Variants in RGS6 observed in about 807,000 individuals in gnomAD.
RGS6 encodes the protein regulator of G-protein signaling 6.
A neutral mutation model predicts 78.5 loss-of-function variants in RGS6; 30 were observed. That is an observed-to-expected ratio of 0.38 (90% CI 0.29 to 0.52). The LOEUF (loss-of-function observed/expected upper bound fraction) is 0.52, where lower values mean the gene tolerates loss of function less well. Ranked by LOEUF, RGS6 falls within the 20% of genes least tolerant of loss-of-function variation. RGS6 has a pLI of 0.85. For missense variants in RGS6, 495 were observed against 609.7 expected, an observed-to-expected ratio of 0.81 and a Z score of 1.98; for synonymous variants, 206 against 206.0, an observed-to-expected ratio of 1.00 and a Z score of 0.00.
At chr14:72,044,838 A>C (rs1012704416) in intron 2 of RGS6, among the ~76,000 whole-genome samples, 2 of 152,016 alleles carry the variant, frequency 1.3e-5, no homozygotes, top group African/African-American at 4.8e-5. Flanking sequence ...ATGCCACTGC[A>C]CTCCAGCCTG....
intron 1 of RGS6, among the ~76,000 whole-genome samples, chr14:71,959,725 C>T (rs1168586789): frequency 1.3e-5 from 2 of 152,196 alleles, no homozygotes; most frequent in Non-Finnish European, 2.9e-5. Context: ...TCCATTGAAT[C>T]TGATGCCAGT....
the RGS6 span, among the ~76,000 whole-genome samples, chr14:72,629,943 C>G: frequency 6.6e-6 from 1 of 152,138 alleles, no homozygotes; most frequent in Non-Finnish European, 1.5e-5. Context: ...GATATAAGCA[C>G]ATCCAATTCT....
At chr14:72,394,880 T>C (rs989558261) in intron 3 of RGS6, among the ~76,000 whole-genome samples, 5 of 152,190 alleles carry the variant, frequency 3.3e-5, no homozygotes, top group Admixed American at 6.5e-5. Flanking sequence ...ACAGTTTATG[T>C]TCAGAGATTG....
intron 2 of RGS6, among the ~76,000 whole-genome samples, chr14:72,349,811 C>G (rs1172910833): frequency 2.6e-5 from 4 of 152,182 alleles, no homozygotes; most frequent in African/African-American, 9.7e-5. Flanking sequence ...GAGGTGTAAA[C>G]AGTTACTATC....
the RGS6 span, among the ~76,000 whole-genome samples, chr14:71,886,890 G>A: frequency 1.5e-4 from 23 of 152,182 alleles, no homozygotes; most frequent in East Asian, 9.6e-4. Context: ...GTTGGCTCAC[G>A]CCTGTAATCC....
intron 2 of RGS6, among the ~76,000 whole-genome samples, chr14:72,233,669 T>C (rs1233452554): frequency 6.6e-6 from 1 of 152,210 alleles, no homozygotes; most frequent in East Asian, 1.9e-4. Context: ...GCTGGTTCTA[T>C]ACAAACGTTC....
intron 2 of RGS6, among the ~76,000 whole-genome samples, chr14:72,081,169 T>C (rs1029581504): frequency 4.6e-5 from 7 of 152,130 alleles, no homozygotes; most frequent in Admixed American, 1.3e-4. Context: ...TCCATACATG[T>C]GTGTCTTCAA....
intron 2 of RGS6, among the ~76,000 whole-genome samples, chr14:72,330,938 G>C (rs796744779): frequency 2.6e-5 from 4 of 152,300 alleles, no homozygotes; most frequent in African/African-American, 7.2e-5. Flanking sequence ...GTGGTCTGCA[G>C]GGTACCTTTG....
rs150028172 is a variant in RGS6 at position 72,136,420 on chromosome 14, A to G, written c.84+171545A>G. On this transcript the variant is annotated intron_variant, in intron 2 of 17. Transcript: ENST00000553525. ...ATCGAAGACTGGGTAATTTAAAAGG[A>G]AAGAGGTTTAATGGATTCACAGTTC... is the stretch of plus-strand genomic sequence containing the variant. Among the ~76,000 whole-genome samples the G allele has an allele frequency of 4.1e-3, 623 of 152,282 alleles. 2 individuals carry two copies. The highest frequency in any genetic ancestry group is 7.0e-3 in the Admixed American group (107 of 15,272).
intron 2 of RGS6, among the ~76,000 whole-genome samples, chr14:72,217,879 A>C: frequency 6.6e-6 from 1 of 152,342 alleles, no homozygotes; most frequent in South Asian, 2.1e-4. Context: ...ATGTATGTAC[A>C]TCTATATATG....
chr14:71,985,858 C>G (rs558446720), intron 2 of RGS6, among the ~76,000 whole-genome samples: 3 of 152,306 alleles, frequency 2.0e-5, no homozygotes, highest in African/African-American at 2.4e-5. Context: ...AAGCAACTAA[C>G]TAAATAAGAA....
intron 2 of RGS6, among the ~76,000 whole-genome samples, chr14:72,073,941 C>G (rs1455835047): frequency 6.6e-6 from 1 of 152,070 alleles, no homozygotes; most frequent in Admixed American, 6.6e-5. Flanking sequence ...CAAATTTTGC[C>G]TAGTACTAAG....
chr14:72,422,010 C>T (rs142852516), intron 3 of RGS6, among the ~76,000 whole-genome samples: 4 of 152,262 alleles, frequency 2.6e-5, no homozygotes, highest in African/African-American at 9.6e-5. Context: ...TTGAATCATG[C>T]GGGCAGGTCT....
intron 2 of RGS6, among the ~76,000 whole-genome samples, chr14:72,341,732 T>C (rs1191624361): frequency 6.6e-6 from 1 of 152,222 alleles, no homozygotes; most frequent in Non-Finnish European, 1.5e-5. Context: ...TGGGAAGCCA[T>C]AGCAGTTTTT....
At chr14:72,513,896 C>A (rs1333531277) in intron 14 of RGS6, 1 of 152,242 alleles carries the variant, frequency 6.6e-6, no homozygotes, top group Non-Finnish European at 1.5e-5. Context: ...GAGTTCCACA[C>A]AGTGTCGGCT....
At chr14:71,893,542 C>G in the RGS6 span, among the ~76,000 whole-genome samples, 2 of 152,140 alleles carry the variant, frequency 1.3e-5, no homozygotes, top group Admixed American at 6.5e-5. Context: ...TTGGTGATAT[C>G]AGTTTGCAAC....
chr14:72,300,532 G>A (rs939554221), intron 2 of RGS6, among the ~76,000 whole-genome samples: 4 of 152,106 alleles, frequency 2.6e-5, no homozygotes, highest in African/African-American at 9.7e-5. Context: ...ATGAGTTTTT[G>A]GCTTATTTGT....
At chr14:72,459,476 C>T (rs2153233433) in intron 5 of RGS6, among the ~76,000 whole-genome samples, 156 bp from the exon 6 acceptor site, 1 of 152,284 alleles carries the variant, frequency 6.6e-6, no homozygotes, top group South Asian at 2.1e-4. Flanking sequence ...TGTTGACTCA[C>T]CTTAGCTGAA....
intron 2 of RGS6, among the ~76,000 whole-genome samples, chr14:72,126,608 T>G (rs1567259940): frequency 6.6e-6 from 1 of 152,208 alleles, no homozygotes; most frequent in Non-Finnish European, 1.5e-5. Flanking sequence ...TAAGGCCTTT[T>G]GGGTGGGTGC....
Sources: gnomAD v4.1 joint callset for allele counts (sites outside exome capture counted in the v4.1 genomes callset) on GRCh38, gnomAD v4.1.1 for gene constraint, MANE v1.5 for transcripts, NCBI Gene and HGNC (gene_info 2026-07-23, HGNC 2026-07-21) for gene names.